RBPJ: variants seen among roughly 807,000 people sequenced by gnomAD.
The protein encoded by RBPJ is recombining binding protein suppressor of hairless.
A neutral mutation model predicts 67.8 loss-of-function variants in RBPJ; 9 were observed. The observed-to-expected ratio is 0.13, with a 90% CI of 0.08 to 0.23. The LOEUF is 0.23. Ranked by LOEUF, RBPJ falls within the 10% of genes least tolerant of loss-of-function variation. The pLI is 1.00. For synonymous variants in RBPJ, 198 were observed against 203.3 expected (o/e 0.97, Z 0.22); for missense variants, 305 against 595.6 (o/e 0.51, Z 5.08).
Position 26,354,092 on chromosome 4 carries a change from G to A in RBPJ, c.21-32261G>A, listed in dbSNP as rs920591186. On this transcript the variant is annotated intron_variant, in intron 1 of 10. Coordinates refer to ENST00000355476, the MANE Select transcript of RBPJ (RefSeq NM_015874.6). ...ACTACAGGCGCGTGCCACCATGCCC[G>A]GCTAATTTTTTGTATTTTTTAGTAG... Among the ~76,000 whole-genome samples the A allele has an allele frequency of 2.6e-4, 40 of 151,120 alleles. 1 individual carries two copies. Among genetic ancestry groups the A allele is most frequent in the Non-Finnish European group, 4.0e-4 (27 of 67,848 alleles).
At chr4:26,112,828 C>T in the RBPJ span, 11 of 143,976 alleles carry the variant, frequency 7.6e-5, no homozygotes, top group African/African-American at 2.8e-4. Context: ...AGTGGGATCT[C>T]GCTCACTGCA....
intron 2 of RBPJ, among the ~76,000 whole-genome samples, chr4:26,403,039 C>G (rs774396178): frequency 4.6e-5 from 7 of 152,288 alleles, no homozygotes; most frequent in Middle Eastern, 3.4e-3. Context: ...TTTGTCTTGT[C>G]TTCTCTGCTT....
At chr4:26,175,741 T>A (rs904003490) in intron 1 of RBPJ, among the ~76,000 whole-genome samples, 1 of 152,174 alleles carries the variant, frequency 6.6e-6, no homozygotes, top group African/African-American at 2.4e-5. Flanking sequence ...CAAAGGACAC[T>A]ATTCTCCATG....
intron 5 of RBPJ, among the ~76,000 whole-genome samples, chr4:26,421,886 T>C (rs1735175169): frequency 6.6e-6 from 1 of 152,152 alleles, no homozygotes; most frequent in Non-Finnish European, 1.5e-5. Context: ...TGACCCAGAA[T>C]GTCTTTTTAT....
At chr4:26,287,552 C>CAGAAA (rs1560245271) in intron 1 of RBPJ, among the ~76,000 whole-genome samples, 1 of 68,802 alleles carries the variant, frequency 1.5e-5, no homozygotes, top group East Asian at 5.3e-4. Context: ...GACCTTGCCT[C>CAGAAA]GGAAAGGAAA....
intron 1 of RBPJ, chr4:26,362,659 A>G (rs1577526111): frequency 1.0e-5 from 16 of 1,569,028 alleles, no homozygotes; most frequent in Non-Finnish European, 1.4e-5. Context: ...AGTGACCCCA[A>G]GGTCATGGAT....
intron 1 of RBPJ, among the ~76,000 whole-genome samples, chr4:26,231,984 C>T (rs148757487): frequency 0.016 from 2,394 of 151,766 alleles, 62 homozygotes; most frequent in African/African-American, 0.054. Flanking sequence ...CTCCACCTCC[C>T]GAGTTCAAGC....
intron 1 of RBPJ, among the ~76,000 whole-genome samples, chr4:26,214,972 G>GGACGGAAGGAAGGAGGGAGGGAGGA (rs1718620962): frequency 4.6e-5 from 1 of 21,562 alleles, no homozygotes; most frequent in Non-Finnish European, 7.5e-5. Flanking sequence ...GGGAGGGAGG[G>GGACGGAAGGAAGGAGGGAGGGAGGA]AGGGAAGGAA....
intron 1 of RBPJ, among the ~76,000 whole-genome samples, chr4:26,198,475 A>G (rs1717865661): frequency 6.6e-6 from 1 of 152,216 alleles, no homozygotes; most frequent in Non-Finnish European, 1.5e-5. Context: ...TTTATGCTGC[A>G]TACTGTTTAC....
intron 1 of RBPJ, among the ~76,000 whole-genome samples, chr4:26,224,690 G>C (rs1006132252): frequency 2.0e-5 from 3 of 152,144 alleles, no homozygotes; most frequent in Non-Finnish European, 2.9e-5. Flanking sequence ...CAGAATCCAA[G>C]TAACATGAGC....
chr4:26,375,680 A>G (rs1349500457), intron 1 of RBPJ, among the ~76,000 whole-genome samples: 3 of 152,236 alleles, frequency 2.0e-5, no homozygotes, highest in Non-Finnish European at 2.9e-5. Context: ...TCTATGTACA[A>G]GCCAGTTTTC....
intron 3 of RBPJ, among the ~76,000 whole-genome samples, chr4:26,413,824 T>C (rs1734279860): frequency 6.6e-6 from 1 of 152,228 alleles, no homozygotes; most frequent in Non-Finnish European, 1.5e-5. Context: ...TCTTTTAGTC[T>C]GCACGTTGTT....
chr4:26,149,013 A>G, the RBPJ span, among the ~76,000 whole-genome samples: 1 of 152,192 alleles, frequency 6.6e-6, no homozygotes, highest in African/African-American at 2.4e-5. Flanking sequence ...AGTGTGGTGA[A>G]GTCTCCCCAC....
At chr4:26,311,554 T>C (rs1446297890) in intron 1 of RBPJ, among the ~76,000 whole-genome samples, 2 of 149,274 alleles carry the variant, frequency 1.3e-5, no homozygotes, top group East Asian at 2.0e-4. Flanking sequence ...AAAAAAAAAG[T>C]GTCACTGTGT....
chr4:26,303,181 A>AAAAT (rs143814094), intron 1 of RBPJ, among the ~76,000 whole-genome samples: 7,201 of 138,324 alleles, frequency 0.052, 204 homozygotes, highest in African/African-American at 0.082. Context: ...ACCCTGTCAA[A>AAAAT]AAATAAATAA....
At chr4:26,376,414 A>G (rs1011165782) in intron 1 of RBPJ, among the ~76,000 whole-genome samples, 1 of 152,226 alleles carries the variant, frequency 6.6e-6, no homozygotes, top group African/African-American at 2.4e-5. Context: ...TTCGCTTAGC[A>G]TGTCTTCAAG....
chr4:26,350,071 T>C (rs999188156), intron 1 of RBPJ, among the ~76,000 whole-genome samples: 1 of 152,238 alleles, frequency 6.6e-6, no homozygotes, highest in Non-Finnish European at 1.5e-5. Flanking sequence ...GCTCTGAACC[T>C]ACAAGAGTGC....
At chr4:26,198,589 A>T (rs1008472314) in intron 1 of RBPJ, among the ~76,000 whole-genome samples, 1 of 152,226 alleles carries the variant, frequency 6.6e-6, no homozygotes, top group Non-Finnish European at 1.5e-5. Flanking sequence ...TAACTCAATT[A>T]TTTCTCACAA....
At chr4:26,243,056 G>A (rs1317137346) in intron 1 of RBPJ, among the ~76,000 whole-genome samples, 2 of 151,912 alleles carry the variant, frequency 1.3e-5, no homozygotes, top group African/African-American at 2.4e-5. Flanking sequence ...GAGAAACCCC[G>A]TCTCTACTAA....
Sources: gnomAD v4.1 joint callset for allele counts (sites outside exome capture counted in the v4.1 genomes callset) on GRCh38, gnomAD v4.1.1 for gene constraint, MANE v1.5 for transcripts, NCBI Gene and HGNC (gene_info 2026-07-23, HGNC 2026-07-21) for gene names.